GTF2B: variants seen among roughly 807,000 people sequenced by gnomAD.
GTF2B encodes transcription initiation factor IIB.
GTF2B carries 20 observed loss-of-function variants against 34.6 expected under a neutral mutation model. That is an observed-to-expected ratio of 0.58 (90% CI 0.41 to 0.84). The LOEUF (loss-of-function observed/expected upper bound fraction) is 0.84, where lower values mean the gene tolerates loss of function less well. Among genes scored for constraint, GTF2B ranks in the 40% least tolerant of loss-of-function variants. The pLI, the probability that GTF2B is intolerant of heterozygous loss-of-function variation, is 0.00. For synonymous variants in GTF2B, 142 were observed against 132.4 expected (o/e 1.07, Z -0.50); for missense variants, 237 against 393.3 (o/e 0.60, Z 3.36).
At chr1:88,855,183 C>T (rs925670836) in intron 6 of GTF2B, among the ~76,000 whole-genome samples, 1 of 152,172 alleles carries the variant, frequency 6.6e-6, no homozygotes, top group African/African-American at 2.4e-5. Flanking sequence ...TTCCTTAAAA[C>T]GTGAGTGAAG....
At chr1:88,855,963 T>C (rs1673293741) in intron 6 of GTF2B, among the ~76,000 whole-genome samples, 1 of 152,210 alleles carries the variant, frequency 6.6e-6, no homozygotes, top group African/African-American at 2.4e-5. Context: ...GAGTAGTCAC[T>C]TCTAACTTTA....
At chr1:88,860,341 A>T in intron 3 of GTF2B, 55 bp from the exon 4 acceptor site, 1 of 1,268,992 alleles carries the variant, frequency 7.9e-7, no homozygotes, top group Non-Finnish European at 1.1e-6. Context: ...TGAAAAATGG[A>T]CAATTTCTAT....
rs766268144 is a variant in GTF2B, at chr1:88,863,992, T to C, written c.247A>G (p.Met83Val). The change falls in exon 3 of 7, where the codon ATG becomes GTG. Residue 83 changes from methionine (M) to valine (V), a missense_variant. Physicochemically the swap from Met to Val is conservative, Grantham distance 21. Transcript: ENST00000370500. ...PLLSDGDLSTMIGKGTGAASF... is the reference protein window; with the variant it reads ...PLLSDGDLSTVIGKGTGAASF... ...AATGGACTTATTACCTTGCCAATCA[T>C]GGTAGACAAATCTCCATCACTCAGA... The C allele has an allele frequency of 3.7e-6, 6 of 1,613,736 alleles. No homozygotes were observed. The African/African-American group carries it at 5.3e-5, about 14-fold the overall frequency.
At chr1:88,886,437 A>G (rs1436654952) in intron 2 of GTF2B, among the ~76,000 whole-genome samples, 1 of 152,238 alleles carries the variant, frequency 6.6e-6, no homozygotes, top group African/African-American at 2.4e-5. Flanking sequence ...GCAAGTAGGA[A>G]CAAGGTGAAA....
intron 2 of GTF2B, among the ~76,000 whole-genome samples, chr1:88,883,214 A>G (rs893942838): frequency 2.6e-5 from 4 of 152,260 alleles, no homozygotes; most frequent in Admixed American, 6.5e-5. Context: ...GCAAGTTTGC[A>G]GCAAAAGCTA....
At chr1:88,856,805 T>TG (rs11300417) in intron 6 of GTF2B, among the ~76,000 whole-genome samples, 5 of 26,766 alleles carry the variant, frequency 1.9e-4, no homozygotes, top group African/African-American at 7.5e-4. Context: ...TAAACGTGGG[T>TG]TTTTTTTTTT....
chr1:88,878,428 A>G (rs971901537), intron 2 of GTF2B, among the ~76,000 whole-genome samples: 2 of 152,262 alleles, frequency 1.3e-5, no homozygotes, highest in African/African-American at 4.8e-5. Flanking sequence ...TTAAACAACT[A>G]TCACATGTTG....
intron 2 of GTF2B, among the ~76,000 whole-genome samples, chr1:88,882,325 A>C (rs1465209496): frequency 2.0e-5 from 3 of 150,822 alleles, no homozygotes; most frequent in Non-Finnish European, 3.0e-5. Flanking sequence ...AAAAAAAAAA[A>C]AAAAAAAAAA....
At chr1:88,866,059 T>C (rs777863787) in intron 2 of GTF2B, among the ~76,000 whole-genome samples, 6 of 152,004 alleles carry the variant, frequency 3.9e-5, no homozygotes, top group Non-Finnish European at 8.8e-5. Context: ...TCATATAATC[T>C]TAGTGATAGA....
chr1:88,855,359 GTTTTTTT>G (rs750561898), intron 6 of GTF2B, among the ~76,000 whole-genome samples: 1 of 124,180 alleles, frequency 8.1e-6, no homozygotes, highest in Non-Finnish European at 1.7e-5. Flanking sequence ...TTCTGTTTTT[GTTTTTTT>G]TTTTTTTTTT....
intron 1 of GTF2B, among the ~76,000 whole-genome samples, chr1:88,888,384 C>T (rs1286494017): frequency 6.6e-6 from 1 of 152,146 alleles, no homozygotes; most frequent in Non-Finnish European, 1.5e-5. Context: ...GTCAGCTTAA[C>T]TAGAATATGT....
intron 2 of GTF2B, among the ~76,000 whole-genome samples, chr1:88,870,014 A>G (rs1421161764): frequency 2.1e-5 from 3 of 141,946 alleles, no homozygotes; most frequent in African/African-American, 2.7e-5. Context: ...TGCAAGCTCC[A>G]CCTCCCTGGT....
intron 1 of GTF2B, among the ~76,000 whole-genome samples, chr1:88,890,157 TAA>T (rs58132302): frequency 1.4e-5 from 2 of 141,276 alleles, no homozygotes. Flanking sequence ...ATGATAGAAT[TAA>T]AAAAAAAAAA....
intron 5 of GTF2B, chr1:88,858,591 GT>G (rs1488999939): frequency 1.3e-5 from 2 of 152,070 alleles, no homozygotes; most frequent in Admixed American, 6.6e-5. Flanking sequence ...AACAAAAGTT[GT>G]TTTAGTTATA....
At chr1:88,889,078 G>C (rs189712306) in intron 1 of GTF2B, among the ~76,000 whole-genome samples, 34 of 152,226 alleles carry the variant, frequency 2.2e-4, no homozygotes, top group Admixed American at 1.0e-3. Flanking sequence ...GGTCACTTTC[G>C]TGGGGGAAGA....
At chr1:88,885,699 G>A (rs1324209040) in intron 2 of GTF2B, among the ~76,000 whole-genome samples, 2 of 152,112 alleles carry the variant, frequency 1.3e-5, no homozygotes, top group African/African-American at 2.4e-5. Context: ...GTGGTGAACC[G>A]AGATCACGCC....
intron 2 of GTF2B, among the ~76,000 whole-genome samples, chr1:88,877,078 AAT>A (rs1673833800): frequency 6.6e-6 from 1 of 152,244 alleles, no homozygotes; most frequent in Non-Finnish European, 1.5e-5. Flanking sequence ...TGTGTTCCTC[AAT>A]ATGTTACCAA....
intron 5 of GTF2B, among the ~76,000 whole-genome samples, chr1:88,858,408 A>C (rs1409166510): frequency 6.6e-6 from 1 of 152,212 alleles, no homozygotes; most frequent in Non-Finnish European, 1.5e-5. Context: ...ATCTGTTGTA[A>C]GCAGTGTTAC....
At chr1:88,859,227 A>G (rs369929880) in intron 5 of GTF2B, among the ~76,000 whole-genome samples, 3 of 152,070 alleles carry the variant, frequency 2.0e-5, no homozygotes, top group African/African-American at 7.2e-5. Context: ...AGAAATGGAA[A>G]CTGTTTCCAT....
Sources: gnomAD v4.1 joint callset for allele counts (sites outside exome capture counted in the v4.1 genomes callset) on GRCh38, gnomAD v4.1.1 for gene constraint, MANE v1.5 for transcripts, NCBI Gene and HGNC (gene_info 2026-07-23, HGNC 2026-07-21) for gene names.